The following AGBL1 variants were observed in gnomAD, a reference collection of about 807,000 sequenced individuals.
AGBL1 encodes the protein AGBL carboxypeptidase 1, also known as cytosolic carboxypeptidase 4.
In AGBL1, 130 loss-of-function variants were observed where a neutral mutation model predicts 118.9. The observed-to-expected ratio is 1.09, with a 90% CI of 0.95 to 1.26. The LOEUF is 1.26. AGBL1 is among the 50% of genes most tolerant of loss of function. The probability of loss-of-function intolerance (pLI) is 0.00; values close to 1 mark genes in which losing one functional copy is unlikely to be tolerated. For synonymous variants in AGBL1, 555 were observed against 478.9 expected (o/e 1.16, Z -2.08); for missense variants, 1,584 against 1,298.1 (o/e 1.22, Z -3.38).
intron 22 of AGBL1, among the ~76,000 whole-genome samples, chr15:86,683,276 T>A (rs2085994508): frequency 6.6e-6 from 1 of 152,206 alleles, no homozygotes; most frequent in Non-Finnish European, 1.5e-5. Context: ...CGACTTGGGT[T>A]CATTTTGGAC....
chr15:86,494,391 G>A (rs928194429), intron 18 of AGBL1, among the ~76,000 whole-genome samples: 10 of 152,100 alleles, frequency 6.6e-5, no homozygotes, highest in African/African-American at 2.4e-4. Context: ...AGGTGGTTCT[G>A]TTCTTTCTTA....
At chr15:86,703,413 T>A (rs2086394171) in intron 22 of AGBL1, among the ~76,000 whole-genome samples, 1 of 152,204 alleles carries the variant, frequency 6.6e-6, no homozygotes, top group African/African-American at 2.4e-5. Context: ...TTACATTGTT[T>A]ATGTTTCCAT....
At chr15:86,898,046 A>G (rs977624889) in intron 22 of AGBL1, among the ~76,000 whole-genome samples, 2 of 152,058 alleles carry the variant, frequency 1.3e-5, no homozygotes, top group East Asian at 1.9e-4. Context: ...TGCTGGGACT[A>G]CAGGCATGAG....
intron 18 of AGBL1, among the ~76,000 whole-genome samples, chr15:86,442,360 T>C (rs2082074424): frequency 6.6e-6 from 1 of 152,208 alleles, no homozygotes; most frequent in Non-Finnish European, 1.5e-5. Flanking sequence ...TTTCATTCCC[T>C]GTTACCTGTG....
At chr15:86,440,551 T>A (rs1166433331) in intron 18 of AGBL1, among the ~76,000 whole-genome samples, 2 of 152,008 alleles carry the variant, frequency 1.3e-5, no homozygotes, top group South Asian at 2.1e-4. Flanking sequence ...CCAGGCAATG[T>A]GCCTACCATT....
intron 5 of AGBL1, among the ~76,000 whole-genome samples, chr15:86,216,501 C>T (rs941063718): frequency 4.4e-4 from 67 of 152,002 alleles, no homozygotes; most frequent in African/African-American, 1.4e-3. Flanking sequence ...ACTTTTCCTG[C>T]GTGTTTTGAG....
intron 22 of AGBL1, among the ~76,000 whole-genome samples, chr15:86,816,618 G>A (rs1258460690): frequency 2.6e-5 from 4 of 152,076 alleles, no homozygotes; most frequent in South Asian, 2.1e-4. Flanking sequence ...TTATTTGAAA[G>A]CAATTCAGTT....
chr15:86,733,054 C>A (rs1051307110), intron 22 of AGBL1, among the ~76,000 whole-genome samples: 102 of 147,802 alleles, frequency 6.9e-4, no homozygotes, highest in African/African-American at 2.1e-3. Flanking sequence ...CCGTATATAT[C>A]CTATATAAAT....
chr15:86,790,248 G>C (rs2078471757), intron 22 of AGBL1, among the ~76,000 whole-genome samples: 1 of 151,920 alleles, frequency 6.6e-6, no homozygotes, highest in Non-Finnish European at 1.5e-5. Flanking sequence ...CAAGGCATTT[G>C]GGTAACATTA....
intron 22 of AGBL1, among the ~76,000 whole-genome samples, chr15:86,815,744 T>G (rs1231120527): frequency 1.2e-5 from 1 of 85,698 alleles, no homozygotes; most frequent in Non-Finnish European, 3.8e-5. Flanking sequence ...CAACCCCAGC[T>G]CTAAGTAACA....
intron 22 of AGBL1, among the ~76,000 whole-genome samples, chr15:86,797,514 GC>G (rs1171358371): frequency 6.6e-6 from 1 of 152,194 alleles, no homozygotes; most frequent in African/African-American, 2.4e-5. Context: ...AATGCACCAG[GC>G]AATTGCTAAT....
chr15:86,491,148 G>A (rs565821759), intron 18 of AGBL1, among the ~76,000 whole-genome samples: 8 of 150,836 alleles, frequency 5.3e-5, no homozygotes, highest in African/African-American at 1.7e-4. Flanking sequence ...GAGTTTTACA[G>A]GGATACAGAA....
intron 22 of AGBL1, among the ~76,000 whole-genome samples, chr15:86,764,944 A>G (rs2078074155): frequency 6.6e-6 from 1 of 152,028 alleles, no homozygotes; most frequent in African/African-American, 2.4e-5. Flanking sequence ...CCATTGCTCT[A>G]GGATGCTTTG....
chr15:86,189,587 T>G (rs538675241), intron 5 of AGBL1, among the ~76,000 whole-genome samples: 1 of 152,166 alleles, frequency 6.6e-6, no homozygotes, highest in East Asian at 1.9e-4. Flanking sequence ...GAGAGCTGGT[T>G]GTTAAAAAGA....
intron 18 of AGBL1, among the ~76,000 whole-genome samples, chr15:86,404,069 G>C (rs1215843685): frequency 1.3e-5 from 2 of 152,104 alleles, no homozygotes; most frequent in African/African-American, 4.8e-5. Context: ...TGGTCTATCA[G>C]GTCTTCCCAA....
chr15:86,567,155 C>G lies in AGBL1; in HGVS notation c.2994+12618C>G, dbSNP rs2083929307. Reference sequence around the variant, plus strand: ...TTAGGCTCCAACTCTTAACCATAATCATTTTATTCCAACCTTCCTAATTAG... The same window carrying G: ...TTAGGCTCCAACTCTTAACCATAATGATTTTATTCCAACCTTCCTAATTAG... On this transcript the variant is annotated intron_variant, in intron 21 of 22. Transcript: ENST00000614907. 2.0e-5 allele frequency among the ~76,000 whole-genome samples: 3 copies of G among 152,138 alleles called. No homozygotes were observed. The South Asian group carries it at 6.2e-4, about 32-fold the overall frequency.
intron 18 of AGBL1, among the ~76,000 whole-genome samples, chr15:86,473,335 A>C (rs1375178974): frequency 6.6e-6 from 1 of 152,150 alleles, no homozygotes; most frequent in Non-Finnish European, 1.5e-5. Flanking sequence ...CAGGTGAAAA[A>C]TTATTGGTCA....
intron 17 of AGBL1, among the ~76,000 whole-genome samples, chr15:86,355,015 G>A (rs1223893361): frequency 6.6e-6 from 1 of 152,160 alleles, no homozygotes; most frequent in African/African-American, 2.4e-5. Context: ...AAGAGAATGG[G>A]GACTTCAGCT....
At chr15:86,892,414 C>G (rs953288591) in intron 22 of AGBL1, among the ~76,000 whole-genome samples, 4 of 152,136 alleles carry the variant, frequency 2.6e-5, no homozygotes. Flanking sequence ...TCCAGTTCTT[C>G]CTCAGGCAGA....
Sources: allele counts gnomAD v4.1 joint callset (sites outside exome capture counted in the v4.1 genomes callset), GRCh38; gene constraint gnomAD v4.1.1; transcripts MANE v1.5; gene names NCBI Gene and HGNC (gene_info 2026-07-23, HGNC 2026-07-21).